The following ATF2 variants were observed in gnomAD, a reference collection of about 807,000 sequenced individuals.
ATF2 encodes the protein activating transcription factor 2, also known as cyclic AMP-dependent transcription factor ATF-2.
Under a neutral mutation model 60.6 loss-of-function variants are expected in ATF2, and 24 were observed. The ratio of observed to expected loss-of-function variants is 0.40; its 90% CI spans 0.29 to 0.56. The LOEUF is 0.56. Ranked by LOEUF, ATF2 falls within the 20% of genes least tolerant of loss-of-function variation. ATF2 has a pLI of 0.54. For missense variants in ATF2, 433 were observed against 607.7 expected (o/e 0.71, Z 3.02); for synonymous variants, 206 against 215.4 (o/e 0.96, Z 0.38).
chr2:175,164,371 TA>T (rs966730331), intron 1 of ATF2, among the ~76,000 whole-genome samples: 1 of 151,998 alleles, frequency 6.6e-6, no homozygotes, highest in Non-Finnish European at 1.5e-5. Flanking sequence ...CCATCTCTAC[TA>T]AAAATACAAA....
intron 12 of ATF2, among the ~76,000 whole-genome samples, chr2:175,081,392 A>C (rs186733171): frequency 6.1e-4 from 93 of 152,292 alleles, no homozygotes; most frequent in African/African-American, 2.2e-3. Context: ...AAGTCAATGG[A>C]GATTTGTCCT....
At chr2:175,121,644 G>T in intron 4 of ATF2, 104 bp from the exon 5 acceptor site, 1 of 794,666 alleles carries the variant, frequency 1.3e-6, no homozygotes, top group Non-Finnish European at 2.0e-6. Context: ...ACCATTAACA[G>T]TGAAATAGCA....
intron 4 of ATF2, chr2:175,126,827 T>G (rs1261971931): frequency 1.3e-5 from 2 of 152,144 alleles, no homozygotes; most frequent in Non-Finnish European, 2.9e-5. Flanking sequence ...CATATTGCAT[T>G]AGCTGTACTT....
chr2:175,096,257 A>G (rs541407930), intron 11 of ATF2, among the ~76,000 whole-genome samples: 2 of 152,374 alleles, frequency 1.3e-5, no homozygotes, highest in East Asian at 1.9e-4. Context: ...CTGCAGGCAT[A>G]TAACAATATC....
At chr2:175,123,346 T>C (rs1697100643) in intron 4 of ATF2, among the ~76,000 whole-genome samples, 1 of 152,074 alleles carries the variant, frequency 6.6e-6, no homozygotes, top group African/African-American at 2.4e-5. Context: ...GAAAGTAATA[T>C]TTAGTTTATG....
rs1693005240 is a variant in ATF2, at chr2:175,072,526, G to A, written c.*2083C>T. The A allele has an allele frequency of 6.6e-6, 1 of 152,078 alleles. No individual in the cohort carries two copies. Among genetic ancestry groups the A allele is most frequent in the Admixed American group, 6.6e-5 (1 of 15,254 alleles). The allele number at this position is 152,078 out of a possible 1,614,324, so 9.4% of individuals were successfully genotyped here. A position where few individuals can be genotyped will look rare whatever the true frequency, so the allele number is the denominator to read the frequency against. On this transcript the variant is annotated 3_prime_UTR_variant, in exon 14 of 14. Transcript: ENST00000264110. ...TTACATGACTTCTTACATCTATGTA[G>A]TTTTATTTTACAGTTGCAAGAATTC...
In ATF2 at chr2:175,107,613, C is replaced by T. The variant is rs556120380; in HGVS notation, c.828+3955G>A. Among the ~76,000 whole-genome samples, 71 of 152,240 alleles carry T rather than the reference C, an allele frequency of 4.7e-4. 4 individuals are homozygous for T. In the South Asian group the frequency reaches 0.013, roughly 29 times the overall value. On this transcript the variant is annotated intron_variant, in intron 10 of 13. Transcript: ENST00000264110. ...TCTTTCCACGGTCTCCCTCTGATGCCGAGCCAAAGCTGGACTGTGCTGCCG... is the reference window on the plus strand; with the variant it reads ...TCTTTCCACGGTCTCCCTCTGATGCTGAGCCAAAGCTGGACTGTGCTGCCG...
intron 2 of ATF2, among the ~76,000 whole-genome samples, chr2:175,147,703 A>AT (rs201936965): frequency 2.0e-5 from 3 of 152,298 alleles, no homozygotes; most frequent in African/African-American, 4.8e-5. Flanking sequence ...ATACATAAAC[A>AT]TTTTTTTAAA....
At chr2:175,158,831 T>C (rs1241364670) in intron 1 of ATF2, among the ~76,000 whole-genome samples, 1 of 152,104 alleles carries the variant, frequency 6.6e-6, no homozygotes, top group African/African-American at 2.4e-5. Context: ...TATCAAAATA[T>C]ATAAAAGTAA....
intron 13 of ATF2, chr2:175,075,093 T>C: frequency 1.5e-6 from 2 of 1,296,362 alleles, no homozygotes; most frequent in Non-Finnish European, 2.0e-6. Context: ...ATTTGCTAAA[T>C]AGTGTTAAAG....
At chr2:175,092,599 T>A in intron 12 of ATF2, 1 of 453,646 alleles carries the variant, frequency 2.2e-6, no homozygotes, top group Non-Finnish European at 4.5e-6. Context: ...CTGGCACCTT[T>A]CACGAGCAAT....
intron 1 of ATF2, among the ~76,000 whole-genome samples, chr2:175,161,705 A>T (rs1700037264): frequency 6.6e-6 from 1 of 152,182 alleles, no homozygotes; most frequent in Non-Finnish European, 1.5e-5. Context: ...AATCTTAATA[A>T]ATCATAATGA....
intron 9 of ATF2, 32 bp from the exon 10 acceptor site, chr2:175,111,686 G>A (rs751997228): frequency 6.4e-7 from 1 of 1,555,784 alleles, no homozygotes; most frequent in South Asian, 1.1e-5. Flanking sequence ...ATAATTGCTA[G>A]AGAATATATT....
At chr2:175,114,292 G>A in intron 8 of ATF2, 184 bp from the exon 9 acceptor site, 2 of 1,327,720 alleles carry the variant, frequency 1.5e-6, no homozygotes, top group South Asian at 2.1e-5. Context: ...CTGTGTAGCA[G>A]TATTGAAAAG....
At chr2:175,100,549 A>G (rs753613057) in intron 10 of ATF2, among the ~76,000 whole-genome samples, 1 of 152,228 alleles carries the variant, frequency 6.6e-6, no homozygotes, top group Non-Finnish European at 1.5e-5. Context: ...AAATTTATTC[A>G]AAGACCTGTG....
intron 2 of ATF2, among the ~76,000 whole-genome samples, chr2:175,144,881 G>A (rs2105794727): frequency 6.6e-6 from 1 of 152,326 alleles, no homozygotes; most frequent in East Asian, 1.9e-4. Context: ...ACATCTACTT[G>A]ATGGAGAGGA....
intron 4 of ATF2, 146 bp from the exon 5 acceptor site, chr2:175,121,686 T>C: frequency 1.8e-6 from 1 of 568,118 alleles, no homozygotes; most frequent in Non-Finnish European, 3.0e-6. Flanking sequence ...CCGTTATTGT[T>C]AGTAGATAGC....
intron 13 of ATF2, among the ~76,000 whole-genome samples, chr2:175,079,842 T>C (rs1693647353): frequency 6.6e-6 from 1 of 152,104 alleles, no homozygotes; most frequent in Non-Finnish European, 1.5e-5. Flanking sequence ...TCCTGAAATA[T>C]CACTAAATCA....
At chr2:175,121,571 G>A (rs1696950843) in intron 4 of ATF2, 31 bp from the exon 5 acceptor site, 3 of 1,496,828 alleles carry the variant, frequency 2.0e-6, no homozygotes, top group African/African-American at 1.4e-5. Context: ...ATATAGTTAA[G>A]ATTTTCAATT....
Sources: gnomAD v4.1 joint callset for allele counts (sites outside exome capture counted in the v4.1 genomes callset) on GRCh38, gnomAD v4.1.1 for gene constraint, MANE v1.5 for transcripts, NCBI Gene and HGNC (gene_info 2026-07-23, HGNC 2026-07-21) for gene names.